DNAH8: variants seen among roughly 807,000 people sequenced by gnomAD.
The protein encoded by DNAH8 is axonemal beta dynein heavy chain 8.
Under a neutral mutation model 562.1 loss-of-function variants are expected in DNAH8, and 382 were observed. The ratio of observed to expected loss-of-function variants is 0.68; its 90% CI spans 0.63 to 0.74. The LOEUF is 0.74. Among genes scored for constraint, DNAH8 ranks in the 30% least tolerant of loss-of-function variants. The pLI is 0.00. For missense variants in DNAH8, 5,203 were observed against 5,620.4 expected (o/e 0.93, Z 2.37); for synonymous variants, 1,881 against 1,919.4 (o/e 0.98, Z 0.52).
At chr6:38,717,907 T>C (rs920884567) in intron 1 of DNAH8, among the ~76,000 whole-genome samples, 17 of 152,158 alleles carry the variant, frequency 1.1e-4, no homozygotes, top group African/African-American at 4.1e-4. Context: ...TATTAAACCT[T>C]CTTAAAGTAT....
At position 38,974,492 on chromosome 6, in the gene DNAH8, T is replaced by G; in HGVS notation, c.12797T>G (p.Met4266Arg). The G allele has an allele frequency of 1.2e-6, 2 of 1,613,902 alleles. No homozygotes were observed. The highest frequency in any genetic ancestry group is 1.7e-6 in the Non-Finnish European group (2 of 1,179,844). ...AGTAATTTACCCATGTGGAAGCCGATGCTTTACACAGTAGCATTTTTACAC... is the reference window on the plus strand; with the variant it reads ...AGTAATTTACCCATGTGGAAGCCGAGGCTTTACACAGTAGCATTTTTACAC... ...DISNLPMWKPMLYTVAFLHST... is the reference protein window; with the variant it reads ...DISNLPMWKPRLYTVAFLHST... The change falls in exon 85 of 93, where the codon ATG (methionine) becomes AGG (arginine). Residue 4266 changes from methionine to arginine, a missense_variant. Met to Arg is a moderately conservative substitution (Grantham distance 91, BLOSUM62 -1). Transcript: ENST00000327475.
intron 12 of DNAH8, among the ~76,000 whole-genome samples, chr6:38,772,996 T>TTTTTTTTTTTTTTTTTTTTTGTTGTTG (rs1554205957): frequency 9.1e-6 from 1 of 109,942 alleles, no homozygotes; most frequent in African/African-American, 3.6e-5. Context: ...TTTTTTTTTT[T>TTTTTTTTTTTTTTTTTTTTTGTTGTTG]TTGTAGAGAT....
At position 38,896,054 on chromosome 6, in the gene DNAH8, G is replaced by A. The variant is rs142674094; in HGVS notation, c.8769G>A (p.Glu2923=). 7 of 1,612,312 alleles carry A rather than the reference G, an allele frequency of 4.3e-6. No homozygotes were observed. The highest frequency in any genetic ancestry group is 5.9e-6 in the Non-Finnish European group (7 of 1,179,496). The part of the protein sequence containing the change: ...IADRFITPED[E]QWFNAHLTRA... ...TCAGATTTATAACTCCTGAAGATGAGCAGTGGTTTAATGCACATCTTACTC... is the reference window on the plus strand; with the variant it reads ...TCAGATTTATAACTCCTGAAGATGAACAGTGGTTTAATGCACATCTTACTC... Residue 2923 remains glutamate, a synonymous_variant, in exon 60 of 93, where the codon GAG becomes GAA. Coordinates refer to ENST00000327475, the MANE Select transcript of DNAH8 (RefSeq NM_001206927.2).
chr6:38,715,962 T>TATATA (rs1562521872), intron 1 of DNAH8, among the ~76,000 whole-genome samples: 14 of 21,584 alleles, frequency 6.5e-4, no homozygotes, highest in Non-Finnish European at 1.6e-3. Context: ...ATATATATAT[T>TATATA]TTTTTTTTTT....
intron 91 of DNAH8, among the ~76,000 whole-genome samples, chr6:39,017,733 A>G (rs1237346725): frequency 6.6e-6 from 1 of 152,152 alleles, no homozygotes; most frequent in East Asian, 1.9e-4. Flanking sequence ...AAGATTTTTC[A>G]GTTAGAGGCA....
intron 1 of DNAH8, among the ~76,000 whole-genome samples, chr6:38,721,296 T>C (rs1762727699): frequency 6.6e-6 from 1 of 151,858 alleles, no homozygotes; most frequent in South Asian, 2.1e-4. Context: ...CTCAGCAACA[T>C]AATGAGACCT....
chr6:38,899,925 C>T lies in DNAH8; in HGVS notation c.9194+19C>T, dbSNP rs376016594. ...TAACCAGGTAGGATGAAATAAAACA[C>T]AATATGTTTTTCTATAGTTAATTTC... On this transcript the variant is annotated intron_variant, in intron 62 of 92. Transcript: ENST00000327475. The T allele has an allele frequency of 4.7e-5, 71 of 1,521,382 alleles. No homozygotes were observed. Among genetic ancestry groups the T allele is most frequent in the Admixed American group, 1.6e-4 (7 of 44,372 alleles). The allele number at this position is 1,521,382 out of a possible 1,614,324, so 94.2% of individuals were successfully genotyped here.
At chr6:38,853,447 C>A in intron 41 of DNAH8, 100 bp downstream of exon 41, 1 of 1,328,176 alleles carries the variant, frequency 7.5e-7, no homozygotes, top group Non-Finnish European at 1.1e-6. Flanking sequence ...GCAATTGTAG[C>A]TTTGAATTAG....
At chr6:38,965,647 A>G (rs116006215) in intron 82 of DNAH8, among the ~76,000 whole-genome samples, 2,034 of 152,326 alleles carry the variant, frequency 0.013, 47 homozygotes, top group African/African-American at 0.046. Flanking sequence ...CTAAACCACC[A>G]AAGTGTAATT....
intron 88 of DNAH8, among the ~76,000 whole-genome samples, chr6:38,999,422 A>G (rs1765339086): frequency 6.6e-6 from 1 of 151,218 alleles, no homozygotes. Context: ...TTGTAGCTAG[A>G]ACAGGTAGGA....
chr6:38,845,735 G>A lies in DNAH8; in HGVS notation c.5007G>A (p.Glu1669=), dbSNP rs768339933. 1.9e-6 allele frequency: 3 copies of A among 1,613,898 alleles called. No homozygotes were observed. Among genetic ancestry groups the A allele is most frequent in the South Asian group, 1.1e-5 (1 of 91,076 alleles). ...TESGEIITLM[E]DSLMVLGSLL... ...CGGGAGAAATTATCACTTTGATGGA[G>A]GATAGTTTAATGGTCTTAGGGTCTT... The change falls in exon 36 of 93, where the codon GAG becomes GAA. Residue 1669 remains glutamate (E), a synonymous_variant. Transcript: ENST00000327475.
At chr6:38,904,235 A>G (rs1366678382) in intron 62 of DNAH8, among the ~76,000 whole-genome samples, 1 of 152,194 alleles carries the variant, frequency 6.6e-6, no homozygotes, top group Non-Finnish European at 1.5e-5. Flanking sequence ...TCCATAGATA[A>G]TAAGACTCAT....
intron 12 of DNAH8, among the ~76,000 whole-genome samples, chr6:38,772,971 C>CTTTTTTTTTTTTTTTTTTTTTTTTTTT (rs58784448): frequency 4.5e-5 from 4 of 88,084 alleles, no homozygotes; most frequent in Non-Finnish European, 8.3e-5. Flanking sequence ...GCTAATTAAA[C>CTTTTTTTTTTTTTTTTTTTTTTTTTTT]TTTTTTTTTT....
chr6:38,725,335 A>ATAATAATAATAT (rs1763130783), intron 3 of DNAH8, among the ~76,000 whole-genome samples: 1 of 149,384 alleles, frequency 6.7e-6, no homozygotes, highest in Non-Finnish European at 1.5e-5. Flanking sequence ...AATAATAATA[A>ATAATAATAATAT]TAAAGAGCTA....
intron 80 of DNAH8, among the ~76,000 whole-genome samples, chr6:38,947,560 C>T (rs1413907701): frequency 6.6e-6 from 1 of 152,148 alleles, no homozygotes; most frequent in Non-Finnish European, 1.5e-5. Context: ...TAGTCATCCG[C>T]TTTCTTCCTG....
In DNAH8 at chr6:38,786,771, A is replaced by G. The variant is rs746906348; in HGVS notation, c.2402A>G (p.Gln801Arg). Reference protein sequence around the residue: ...REISQLHYALQATLFVRHPET... With the variant: ...REISQLHYALRATLFVRHPET... ...AATCATTATTTATTTGTAGCTTTAC[A>G]AGCCACGCTTTTTGTGCGACATCCA... Residue 801 changes from glutamine to arginine, a missense_variant, in exon 18 of 93, where the codon CAA (glutamine) becomes CGA (arginine). By Grantham distance (43) the Gln-to-Arg change is conservative. This residue lies in a region of DNAH8 where 2,176 missense variants were observed against 2,365.1 expected (regional missense o/e 0.92). Transcript: ENST00000327475. 140 of 1,610,928 alleles carry G rather than the reference A, an allele frequency of 8.7e-5. No individual in the cohort carries two copies. The highest frequency in any genetic ancestry group is 1.1e-4 in the Non-Finnish European group (135 of 1,179,108).
rs560515197 is a variant in DNAH8 at position 38,896,007 on chromosome 6, T to C, written c.8748-26T>C. The C allele has an allele frequency of 3.1e-6, 5 of 1,590,754 alleles. No individual in the cohort carries two copies. In the South Asian group the frequency reaches 5.6e-5, roughly 18 times the overall value. On this transcript the variant is annotated intron_variant, in intron 59 of 92. Transcript: ENST00000327475. ...AGAAAAGATGCTTTCATATTTAACA[T>C]TCTTACTACTACATTTTCCTTTCAG...
At position 38,737,148 on chromosome 6, in the gene DNAH8, G is replaced by A; in HGVS notation, c.844G>A (p.Ala282Thr). The A allele has an allele frequency of 6.3e-7, 1 of 1,584,526 alleles. No homozygotes were observed. The highest frequency in any genetic ancestry group is 1.8e-5 in the Admixed American group (1 of 54,226). The change falls in exon 6 of 93, where the codon GCT (alanine) becomes ACT (threonine). Residue 282 changes from alanine to threonine, a missense_variant. Physicochemically the swap from Ala to Thr is moderately conservative, Grantham distance 58. This residue lies in a region of DNAH8 where 556 missense variants were observed against 496.9 expected (regional missense o/e 1.12). Coordinates refer to ENST00000327475, the MANE Select transcript of DNAH8 (RefSeq NM_001206927.2). ...RDMLANIFLP[A>T]VLATNNWGAL... ...TATGTTGGCAAATATATTTCTACCA[G>A]CTGTTCTTGCAACAAACAACTGGGG...
intron 79 of DNAH8, among the ~76,000 whole-genome samples, chr6:38,945,008 C>A (rs924656600): frequency 6.6e-6 from 1 of 151,906 alleles, no homozygotes; most frequent in African/African-American, 2.4e-5. Flanking sequence ...CTAACCCTAA[C>A]CTTAACCCCA....
Sources: gnomAD v4.1 joint callset for allele counts (sites outside exome capture counted in the v4.1 genomes callset) on GRCh38, gnomAD v4.1.1 for gene constraint, gnomAD v4.1.1 regional missense constraint, MANE v1.5 for transcripts, NCBI Gene and HGNC (gene_info 2026-07-23, HGNC 2026-07-21) for gene names.